Variants in KCNQ3 observed in about 807,000 individuals in gnomAD.
The protein encoded by KCNQ3 is potassium voltage-gated channel subfamily KQT member 3.
A neutral mutation model predicts 92.5 loss-of-function variants in KCNQ3; 30 were observed. That is an observed-to-expected ratio of 0.32 (90% CI 0.24 to 0.44). The LOEUF (loss-of-function observed/expected upper bound fraction) is 0.44. Ranked by LOEUF, KCNQ3 falls within the 20% of genes least tolerant of loss-of-function variation. KCNQ3 has a pLI of 1.00. For missense variants in KCNQ3, 913 were observed against 1,140.3 expected, an observed-to-expected ratio of 0.80 and a Z score of 2.87; for synonymous variants, 450 against 468.8, an observed-to-expected ratio of 0.96 and a Z score of 0.52.
chr8:132,349,512 G>A lies in KCNQ3; in HGVS notation c.386+130635C>T, dbSNP rs79343053. 5.1e-3 allele frequency among the ~76,000 whole-genome samples: 774 copies of A among 152,322 alleles called. 8 individuals are homozygous for A. Among genetic ancestry groups the A allele is most frequent in the African/African-American group, 0.018 (744 of 41,584 alleles). On this transcript the variant is annotated intron_variant, in intron 1 of 14. Coordinates refer to ENST00000388996, the MANE Select transcript of KCNQ3 (RefSeq NM_004519.4). ...TGTTCCTTCAATCTGGACTTGTCAC[G>A]TGACTTGCTTTTGACTAATAAAATA...
intron 1 of KCNQ3, among the ~76,000 whole-genome samples, chr8:132,393,816 A>G (rs1447190923): frequency 6.6e-6 from 1 of 152,190 alleles, no homozygotes; most frequent in African/African-American, 2.4e-5. Context: ...CAGGTCTTTC[A>G]GCCCCTGCTC....
In KCNQ3 at chr8:132,137,944, A is replaced by T. The variant is rs759494626; in HGVS notation, c.1641T>A (p.Ile547=). The T allele has an allele frequency of 6.2e-7, 1 of 1,613,934 alleles. No individual in the cohort carries two copies. The highest frequency in any genetic ancestry group is 8.5e-7 in the Non-Finnish European group (1 of 1,179,978). The change falls in exon 12 of 15, where the codon ATT becomes ATA. Residue 547 remains isoleucine, a synonymous_variant. Coordinates refer to ENST00000388996, the MANE Select transcript of KCNQ3 (RefSeq NM_004519.4). ...CGAGATGCCCGGCAGAATACTGCTCAATCACATCCTTCACATCGTAAGGCC... is the reference window on the plus strand; with the variant it reads ...CGAGATGCCCGGCAGAATACTGCTCTATCACATCCTTCACATCGTAAGGCC... The part of the protein sequence containing the change: ...TLRPYDVKDV[I]EQYSAGHLDM...
chr8:132,190,920 G>A (rs905128849), intron 1 of KCNQ3, among the ~76,000 whole-genome samples: 2 of 152,210 alleles, frequency 1.3e-5, no homozygotes, highest in Non-Finnish European at 2.9e-5. Flanking sequence ...TGCTCATGGA[G>A]GGCAGAGACT....
At chr8:132,439,127 T>A (rs1821466361) in intron 1 of KCNQ3, among the ~76,000 whole-genome samples, 1 of 151,794 alleles carries the variant, frequency 6.6e-6, no homozygotes, top group Non-Finnish European at 1.5e-5. Flanking sequence ...AATTTTTTCA[T>A]CTGGGTTTAG....
intron 1 of KCNQ3, among the ~76,000 whole-genome samples, chr8:132,407,925 C>G (rs1820535757): frequency 6.6e-6 from 1 of 152,144 alleles, no homozygotes; most frequent in Non-Finnish European, 1.5e-5. Context: ...CTCGTTCATC[C>G]ATTACATGAT....
In KCNQ3 at chr8:132,128,298, G is replaced by C. The variant is rs957774248; in HGVS notation, c.*964C>G. 3.9e-5 allele frequency: 6 copies of C among 152,178 alleles called. No homozygotes were observed. 9.4% of individuals were successfully genotyped at this position (152,178 alleles called of 1,614,324 possible). On this transcript the variant is annotated 3_prime_UTR_variant, in exon 15 of 15. Transcript: ENST00000388996. Reference sequence around the variant, plus strand: ...TAAGATTCTTCATTTATAAAAGGAAGTCCTTGGACTAGAAAATTTCTGTGT... The same window carrying C: ...TAAGATTCTTCATTTATAAAAGGAACTCCTTGGACTAGAAAATTTCTGTGT...
intron 1 of KCNQ3, among the ~76,000 whole-genome samples, chr8:132,305,362 C>T (rs1002877736): frequency 6.6e-6 from 1 of 152,190 alleles, no homozygotes; most frequent in Non-Finnish European, 1.5e-5. Context: ...TTGCTTCATT[C>T]ATAAATTCTG....
At chr8:132,201,500 T>C (rs1041550145) in intron 1 of KCNQ3, among the ~76,000 whole-genome samples, 2 of 151,498 alleles carry the variant, frequency 1.3e-5, no homozygotes, top group East Asian at 1.9e-4. Flanking sequence ...CAAAATGCAA[T>C]GGTGGGACAG....
intron 1 of KCNQ3, among the ~76,000 whole-genome samples, chr8:132,335,553 G>A (rs940832457): frequency 6.6e-6 from 1 of 152,166 alleles, no homozygotes; most frequent in South Asian, 2.1e-4. Context: ...GAATTAGAGG[G>A]TGACGGTACA....
intron 4 of KCNQ3, among the ~76,000 whole-genome samples, chr8:132,179,323 C>T (rs1029682888): frequency 6.6e-6 from 1 of 152,016 alleles, no homozygotes; most frequent in African/African-American, 2.4e-5. Context: ...TCCATCCCTC[C>T]TGGATTCTGA....
At chr8:132,292,600 G>A (rs1436048110) in intron 1 of KCNQ3, among the ~76,000 whole-genome samples, 1 of 152,194 alleles carries the variant, frequency 6.6e-6, no homozygotes, top group African/African-American at 2.4e-5. Context: ...TGAATGGGTG[G>A]ATGGAGAGTT....
chr8:132,256,760 C>A (rs1815601966), intron 1 of KCNQ3, among the ~76,000 whole-genome samples: 1 of 152,106 alleles, frequency 6.6e-6, no homozygotes, highest in Non-Finnish European at 1.5e-5. Flanking sequence ...GAAAACTATT[C>A]TTCAAAAATG....
chr8:132,272,738 T>G (rs944226431), intron 1 of KCNQ3, among the ~76,000 whole-genome samples: 3 of 152,110 alleles, frequency 2.0e-5, no homozygotes, highest in African/African-American at 7.2e-5. Context: ...TCCCCATAAT[T>G]CAATTACCTT....
chr8:132,322,885 A>G (rs1218010475), intron 1 of KCNQ3, among the ~76,000 whole-genome samples: 1 of 152,158 alleles, frequency 6.6e-6, no homozygotes, highest in East Asian at 1.9e-4. Context: ...GAGCTCCAAA[A>G]TAATTACATT....
chr8:132,163,118 C>G (rs760534534), intron 9 of KCNQ3, among the ~76,000 whole-genome samples: 92 of 152,150 alleles, frequency 6.0e-4, no homozygotes, highest in Admixed American at 1.7e-3. Context: ...GGTCTTGCCA[C>G]TCAATCTCAA....
chr8:132,132,773 G>A (rs1824928165), intron 13 of KCNQ3, among the ~76,000 whole-genome samples: 1 of 152,300 alleles, frequency 6.6e-6, no homozygotes, highest in East Asian at 1.9e-4. Context: ...AGATGACACT[G>A]GTGAGGAATG....
intron 11 of KCNQ3, among the ~76,000 whole-genome samples, chr8:132,139,222 G>T (rs1269244240): frequency 3.3e-5 from 5 of 152,224 alleles, no homozygotes; most frequent in African/African-American, 1.2e-4. Flanking sequence ...ACTAGACTAT[G>T]CAGCGTCCCA....
At chr8:132,367,272 A>G (rs1284133412) in intron 1 of KCNQ3, among the ~76,000 whole-genome samples, 1 of 152,160 alleles carries the variant, frequency 6.6e-6, no homozygotes, top group Non-Finnish European at 1.5e-5. Flanking sequence ...TCCTTCTTCA[A>G]TAAGATTATG....
chr8:132,301,137 G>C (rs1817202831), intron 1 of KCNQ3, among the ~76,000 whole-genome samples: 1 of 152,034 alleles, frequency 6.6e-6, no homozygotes, highest in Non-Finnish European at 1.5e-5. Context: ...TTTATTTTCT[G>C]TTCTGTGGCA....
Sources: gnomAD v4.1 joint callset for allele counts (sites outside exome capture counted in the v4.1 genomes callset) on GRCh38, gnomAD v4.1.1 for gene constraint, MANE v1.5 for transcripts, NCBI Gene and HGNC (gene_info 2026-07-23, HGNC 2026-07-21) for gene names.